CSMD3: variants seen among roughly 807,000 people sequenced by gnomAD.
The protein encoded by CSMD3 is CUB and Sushi multiple domains 3, also known as CUB and sushi domain-containing protein 3.
In CSMD3, 177 loss-of-function variants were observed where a neutral mutation model predicts 435.2. The ratio of observed to expected loss-of-function variants is 0.41; its 90% CI spans 0.36 to 0.46. CSMD3 has a LOEUF of 0.46. Among genes scored for constraint, CSMD3 ranks in the 20% least tolerant of loss-of-function variants. CSMD3 has a pLI of 0.34. For synonymous variants in CSMD3, 1,656 were observed against 1,520.5 expected (o/e 1.09, Z -2.07); for missense variants, 4,265 against 4,504.6 (o/e 0.95, Z 1.52).
At chr8:112,683,714 C>T (rs1369681048) in intron 15 of CSMD3, among the ~76,000 whole-genome samples, 1 of 151,704 alleles carries the variant, frequency 6.6e-6, no homozygotes, top group Non-Finnish European at 1.5e-5. Flanking sequence ...TTATGAGATG[C>T]TTATAACTTA....
intron 10 of CSMD3, among the ~76,000 whole-genome samples, chr8:112,891,375 A>G (rs1047886545): frequency 6.6e-6 from 1 of 151,652 alleles, no homozygotes; most frequent in Non-Finnish European, 1.5e-5. Flanking sequence ...TCAATTCATC[A>G]AGATTATTGA....
chr8:113,202,645 T>C (rs1329267169), intron 3 of CSMD3, among the ~76,000 whole-genome samples: 1 of 152,160 alleles, frequency 6.6e-6, no homozygotes, highest in Non-Finnish European at 1.5e-5. Flanking sequence ...TAAGCACTTA[T>C]GTCAAGGTTG....
At chr8:112,651,040 C>T (rs944837707) in intron 18 of CSMD3, among the ~76,000 whole-genome samples, 3 of 152,164 alleles carry the variant, frequency 2.0e-5, no homozygotes, top group Admixed American at 2.0e-4. Context: ...TCCTGGCCCC[C>T]ACCTGTTCGA....
intron 22 of CSMD3, among the ~76,000 whole-genome samples, chr8:112,594,313 C>T (rs1406854935): frequency 4.6e-5 from 7 of 152,292 alleles, no homozygotes; most frequent in East Asian, 1.9e-4. Flanking sequence ...TTCGGACCGG[C>T]TTAAAAAACG....
At chr8:113,377,121 G>A in intron 1 of CSMD3, 1 of 1,261,340 alleles carries the variant, frequency 7.9e-7, no homozygotes, top group Non-Finnish European at 1.0e-6. Flanking sequence ...GCGTCGTCCG[G>A]CTCTCCGGTC....
intron 63 of CSMD3, among the ~76,000 whole-genome samples, chr8:112,251,772 C>T (rs1815284504): frequency 6.6e-6 from 1 of 151,672 alleles, no homozygotes; most frequent in Non-Finnish European, 1.5e-5. Context: ...AATGTACTTT[C>T]CATTGCCCAG....
intron 1 of CSMD3, among the ~76,000 whole-genome samples, chr8:113,371,264 TA>T (rs1338780056): frequency 2.0e-5 from 3 of 152,042 alleles, no homozygotes; most frequent in African/African-American, 7.2e-5. Context: ...TAAATATTTT[TA>T]AAAAAACATT....
intron 5 of CSMD3, among the ~76,000 whole-genome samples, chr8:113,085,791 C>T (rs1393681604): frequency 6.6e-6 from 1 of 152,018 alleles, no homozygotes; most frequent in African/African-American, 2.4e-5. Flanking sequence ...GAGGAGAGTG[C>T]TAGAGAGAGG....
chr8:113,241,875 G>A (rs2093221723), intron 3 of CSMD3, among the ~76,000 whole-genome samples: 1 of 151,578 alleles, frequency 6.6e-6, no homozygotes, highest in Non-Finnish European at 1.5e-5. Context: ...CTGCCTTTTT[G>A]TCCATGATAG....
At chr8:113,087,465 A>G (rs2089835235) in intron 5 of CSMD3, among the ~76,000 whole-genome samples, 2 of 152,238 alleles carry the variant, frequency 1.3e-5, no homozygotes, top group African/African-American at 2.4e-5. Context: ...CTACACTACA[A>G]GGCTACAGTA....
chr8:112,745,706 A>T (rs1167192522), intron 13 of CSMD3, among the ~76,000 whole-genome samples: 1 of 151,648 alleles, frequency 6.6e-6, no homozygotes, highest in Non-Finnish European at 1.5e-5. Context: ...ATTTTTTATA[A>T]TTTTCAAATA....
intron 4 of CSMD3, among the ~76,000 whole-genome samples, chr8:113,168,455 A>T (rs1564386633): frequency 7.8e-6 from 1 of 128,746 alleles, no homozygotes; most frequent in Non-Finnish European, 1.6e-5. Context: ...TGGGAGGCAG[A>T]GGTTGCAGTA....
intron 13 of CSMD3, among the ~76,000 whole-genome samples, chr8:112,695,831 C>T (rs976819987): frequency 3.9e-5 from 6 of 152,142 alleles, no homozygotes; most frequent in African/African-American, 1.4e-4. Flanking sequence ...ATTTAGAAAA[C>T]CCCATCGTCT....
At chr8:112,460,004 A>G (rs931870371) in intron 32 of CSMD3, among the ~76,000 whole-genome samples, 7 of 152,036 alleles carry the variant, frequency 4.6e-5, no homozygotes, top group Non-Finnish European at 8.8e-5. Flanking sequence ...GGTTATCCCC[A>G]TTTCTCAAAT....
At chr8:112,685,819 T>C (rs2075998260) in intron 14 of CSMD3, 87 bp from the exon 15 acceptor site, 1 of 846,694 alleles carries the variant, frequency 1.2e-6, no homozygotes. Flanking sequence ...ATTATGATAA[T>C]CAATTAGCAG....
chr8:112,668,190 A>C (rs1200381111), intron 16 of CSMD3, among the ~76,000 whole-genome samples: 2 of 152,064 alleles, frequency 1.3e-5, no homozygotes, highest in Non-Finnish European at 2.9e-5. Context: ...TTTTATGAGG[A>C]TTATTTACTC....
intron 10 of CSMD3, among the ~76,000 whole-genome samples, chr8:112,921,036 T>TAC (rs1277712469): frequency 5.1e-4 from 48 of 94,092 alleles, no homozygotes; most frequent in Non-Finnish European, 7.2e-4. Flanking sequence ...CACACACACA[T>TAC]ATATATACCT....
chr8:112,429,855 AAACTT>A (rs1216060216), intron 32 of CSMD3, among the ~76,000 whole-genome samples: 1 of 152,044 alleles, frequency 6.6e-6, no homozygotes, highest in Non-Finnish European at 1.5e-5. Context: ...TTTTTAATAA[AAACTT>A]AAAGTTTAAA....
chr8:113,113,207 T>G (rs187765342), intron 4 of CSMD3, among the ~76,000 whole-genome samples: 1 of 152,298 alleles, frequency 6.6e-6, no homozygotes, highest in African/African-American at 2.4e-5. Context: ...TTTGTTTTAG[T>G]TTTATTTATA....
Sources: gnomAD v4.1 joint callset for allele counts (sites outside exome capture counted in the v4.1 genomes callset) on GRCh38, gnomAD v4.1.1 for gene constraint, MANE v1.5 for transcripts, NCBI Gene and HGNC (gene_info 2026-07-23, HGNC 2026-07-21) for gene names.